Variants in DSCAML1 observed in about 807,000 individuals in gnomAD.
DSCAML1 encodes DS cell adhesion molecule like 1, also known as cell adhesion molecule DSCAML1.
DSCAML1 carries 38 observed loss-of-function variants against 200.5 expected under a neutral mutation model. That is an observed-to-expected ratio of 0.19 (90% confidence interval 0.15 to 0.25). The LOEUF (loss-of-function observed/expected upper bound fraction) is 0.25, where lower values mean the gene tolerates loss of function less well. DSCAML1 is among the 10% of genes least tolerant of loss of function. The probability of loss-of-function intolerance (pLI) is 1.00; values close to 1 mark genes in which losing one functional copy is unlikely to be tolerated. For missense variants in DSCAML1, 2,223 were observed against 2,858.8 expected, an observed-to-expected ratio of 0.78 and a Z score of 5.07; for synonymous variants, 1,215 against 1,165.0, an observed-to-expected ratio of 1.04 and a Z score of -0.87.
intron 3 of DSCAML1, among the ~76,000 whole-genome samples, chr11:117,711,817 A>G (rs2053855091): frequency 6.6e-6 from 1 of 152,208 alleles, no homozygotes; most frequent in Non-Finnish European, 1.5e-5. Flanking sequence ...CATTTCAAAT[A>G]AGAGGGTTTT....
rs1157746507 is a variant in DSCAML1, at chr11:117,498,048, C to T, written c.2359+5797G>A. ...TGGACTAGAGGTCCGTCAGCCAGTC[C>T]AGATTCCAGAGTGGGCAAAGGCCTG... On this transcript the variant is annotated intron_variant, in intron 11 of 32. Transcript: ENST00000651296. This position sits in a 1 kb window ranked among gnomAD's most constrained non-coding sequence, Gnocchi z 4.0. Among the ~76,000 whole-genome samples the T allele has an allele frequency of 1.3e-5, 2 of 152,220 alleles. No homozygotes were observed. The highest frequency in any genetic ancestry group is 1.3e-4 in the Admixed American group (2 of 15,284).
chr11:117,789,237 T>C (rs954128752), intron 1 of DSCAML1, among the ~76,000 whole-genome samples: 1 of 152,162 alleles, frequency 6.6e-6, no homozygotes, highest in Non-Finnish European at 1.5e-5. Context: ...CCCTGTGCCA[T>C]CAGCTCCAGG....
At chr11:117,785,125 C>T (rs1267002219) in intron 1 of DSCAML1, among the ~76,000 whole-genome samples, 1 of 152,188 alleles carries the variant, frequency 6.6e-6, no homozygotes, top group African/African-American at 2.4e-5. Flanking sequence ...CAGCCACGCG[C>T]TGCACCACAG....
At chr11:117,701,925 A>G (rs972682634) in intron 3 of DSCAML1, among the ~76,000 whole-genome samples, 1 of 152,210 alleles carries the variant, frequency 6.6e-6, no homozygotes, top group African/African-American at 2.4e-5. Flanking sequence ...TGCCAGGTGC[A>G]GGGTAAACAG....
In DSCAML1 at chr11:117,503,403, A is replaced by T. The variant is rs2049434907; in HGVS notation, c.2359+442T>A. Among the ~76,000 whole-genome samples the T allele has an allele frequency of 6.6e-6, 1 of 152,166 alleles. No homozygotes were observed. The highest frequency in any genetic ancestry group is 1.5e-5 in the Non-Finnish European group (1 of 68,034). On this transcript the variant is annotated intron_variant, in intron 11 of 32. Transcript: ENST00000651296. The surrounding 1 kb of genome is among the most constrained non-coding windows in gnomAD (Gnocchi z 5.2). ...CTCATCAGGCTGATCTGGAATTGGAACCCAGGTTTTCTGACCTATAGCCCC... is the reference window on the plus strand; with the variant it reads ...CTCATCAGGCTGATCTGGAATTGGATCCCAGGTTTTCTGACCTATAGCCCC...
chr11:117,795,921 G>A (rs774649488), intron 1 of DSCAML1, among the ~76,000 whole-genome samples: 14 of 152,206 alleles, frequency 9.2e-5, no homozygotes, highest in Admixed American at 1.3e-4. Flanking sequence ...GAGAGAAGCC[G>A]CCCCGGGGCG....
intron 3 of DSCAML1, among the ~76,000 whole-genome samples, chr11:117,537,601 T>C (rs1248454559): frequency 6.6e-6 from 1 of 152,184 alleles, no homozygotes; most frequent in African/African-American, 2.4e-5. Flanking sequence ...GTGACCTTAC[T>C]GGAAATACGG....
intron 3 of DSCAML1, among the ~76,000 whole-genome samples, chr11:117,601,105 T>A (rs1004587780): frequency 1.3e-5 from 2 of 152,192 alleles, no homozygotes; most frequent in Non-Finnish European, 2.9e-5. Flanking sequence ...AGCTGCTCCC[T>A]CAAATGCACT....
intron 3 of DSCAML1, among the ~76,000 whole-genome samples, chr11:117,644,939 A>C (rs1380841525): frequency 6.6e-6 from 1 of 152,198 alleles, no homozygotes; most frequent in African/African-American, 2.4e-5. Context: ...GAAAAAGCAC[A>C]CTCACGCTCT....
At chr11:117,575,754 C>G (rs918607067) in intron 3 of DSCAML1, among the ~76,000 whole-genome samples, 2 of 152,154 alleles carry the variant, frequency 1.3e-5, no homozygotes, top group African/African-American at 4.8e-5. Context: ...ATCACTCAAA[C>G]CCGGGAGCTG....
intron 3 of DSCAML1, among the ~76,000 whole-genome samples, chr11:117,776,394 C>G (rs964207465): frequency 2.6e-5 from 4 of 152,148 alleles, no homozygotes; most frequent in African/African-American, 4.8e-5. Context: ...CGCAGGAACA[C>G]AGACCACAAA....
chr11:117,527,296 ACCCTCCTG>A (rs1334889756), intron 4 of DSCAML1, among the ~76,000 whole-genome samples: 1 of 152,032 alleles, frequency 6.6e-6, no homozygotes, highest in African/African-American at 2.4e-5. Context: ...CCATCTCCCC[ACCCTCCTG>A]CCCTCTGCCA....
chr11:117,702,806 C>T (rs917258262), intron 3 of DSCAML1, among the ~76,000 whole-genome samples: 1 of 152,104 alleles, frequency 6.6e-6, no homozygotes, highest in Non-Finnish European at 1.5e-5. Context: ...AACAGTAGTT[C>T]TAATTCTTTA....
At chr11:117,476,931 G>A (rs534186999) in intron 14 of DSCAML1, among the ~76,000 whole-genome samples, 2 of 152,278 alleles carry the variant, frequency 1.3e-5, no homozygotes, top group African/African-American at 4.8e-5. Context: ...GAGAAGGGAA[G>A]CAGAGACACA....
intron 3 of DSCAML1, among the ~76,000 whole-genome samples, chr11:117,695,870 T>C (rs769839766): frequency 6.6e-6 from 1 of 152,200 alleles, no homozygotes; most frequent in Non-Finnish European, 1.5e-5. Context: ...AAAATGGAGA[T>C]AATAGCAAGG....
chr11:117,470,385 C>A (rs2048661531), intron 15 of DSCAML1, among the ~76,000 whole-genome samples: 2 of 152,136 alleles, frequency 1.3e-5, no homozygotes, highest in Admixed American at 6.5e-5. Flanking sequence ...ACCATCCTGG[C>A]TAACAGGGTG....
At chr11:117,653,617 C>T (rs71480350) in intron 3 of DSCAML1, among the ~76,000 whole-genome samples, 2,046 of 152,220 alleles carry the variant, frequency 0.013, 26 homozygotes, top group Non-Finnish European at 0.019. Context: ...GAGTGTAAAA[C>T]GGTGCAGCCG....
chr11:117,526,418 A>G (rs762108578), intron 4 of DSCAML1, among the ~76,000 whole-genome samples: 1 of 152,040 alleles, frequency 6.6e-6, no homozygotes, highest in Non-Finnish European at 1.5e-5. Flanking sequence ...ACCAGCTTAA[A>G]TGTCACCTCT....
intron 14 of DSCAML1, among the ~76,000 whole-genome samples, chr11:117,473,562 G>T (rs1202584574): frequency 6.6e-6 from 1 of 152,140 alleles, no homozygotes; most frequent in Non-Finnish European, 1.5e-5. Flanking sequence ...AGGAGAATTG[G>T]TTCACCAGAA....
Sources: gnomAD v4.1 joint callset for allele counts (sites outside exome capture counted in the v4.1 genomes callset) on GRCh38, gnomAD v4.1.1 for gene constraint, Gnocchi (gnomAD v3.1) non-coding constraint, MANE v1.5 for transcripts, NCBI Gene and HGNC (gene_info 2026-07-23, HGNC 2026-07-21) for gene names.